Variants in FBXO9 observed in about 807,000 individuals in gnomAD.
FBXO9 encodes the protein F-box protein 9.
FBXO9 carries 43 observed loss-of-function variants against 63.7 expected under a neutral mutation model. The ratio of observed to expected loss-of-function variants is 0.67; its 90% CI spans 0.53 to 0.87. The LOEUF (loss-of-function observed/expected upper bound fraction) is 0.87, where lower values mean the gene tolerates loss of function less well. FBXO9 is among the 40% of genes least tolerant of loss of function. The pLI, the probability that FBXO9 is intolerant of heterozygous loss-of-function variation, is 0.00. For missense variants in FBXO9, 442 were observed against 533.2 expected, an observed-to-expected ratio of 0.83 and a Z score of 1.68; for synonymous variants, 156 against 171.7, an observed-to-expected ratio of 0.91 and a Z score of 0.72.
At chr6:53,068,536 C>T (rs912741399) in intron 1 of FBXO9, among the ~76,000 whole-genome samples, 8 of 151,726 alleles carry the variant, frequency 5.3e-5, no homozygotes, top group Non-Finnish European at 1.2e-4. Context: ...AAGTCTTTGA[C>T]TAAGCTTTCC....
chr6:53,093,395 C>T, intron 9 of FBXO9, 71 bp from the exon 10 acceptor site: 1 of 1,017,220 alleles, frequency 9.8e-7, no homozygotes, highest in Non-Finnish European at 1.5e-6. Context: ...GGCATAGGTA[C>T]TAATAGATAA....
At chr6:53,077,257 G>A (rs1173715471) in intron 4 of FBXO9, among the ~76,000 whole-genome samples, 2 of 151,812 alleles carry the variant, frequency 1.3e-5, no homozygotes, top group South Asian at 2.1e-4. Flanking sequence ...GGCGGATCAC[G>A]AGGTCAGGAG....
rs977377175 is a variant in FBXO9, at chr6:53,081,112, T to A, written c.538+14T>A. 1.3e-6 allele frequency: 2 copies of A among 1,598,520 alleles called. No individual in the cohort carries two copies. Among genetic ancestry groups the A allele is most frequent in the African/African-American group, 2.7e-5 (2 of 74,582 alleles). ...TTCACATATCAGGTGTGAATACTTGTTTTTCATAACTCAGTGAGAAATATC... is the reference window on the plus strand; with the variant it reads ...TTCACATATCAGGTGTGAATACTTGATTTTCATAACTCAGTGAGAAATATC... On this transcript the variant is annotated intron_variant, in intron 6 of 12. Transcript: ENST00000323557.
intron 7 of FBXO9, among the ~76,000 whole-genome samples, chr6:53,085,765 C>T (rs958995214): frequency 3.3e-5 from 5 of 151,946 alleles, no homozygotes; most frequent in Non-Finnish European, 7.4e-5. Flanking sequence ...AACAGTGCCT[C>T]CCATACAGTT....
intron 11 of FBXO9, chr6:53,094,795 T>C: frequency 2.3e-6 from 1 of 437,474 alleles, no homozygotes. Context: ...AGCAGCAGCC[T>C]GAGAGACAGA....
At chr6:53,069,367 G>A (rs1334504532) in intron 1 of FBXO9, among the ~76,000 whole-genome samples, 1 of 152,190 alleles carries the variant, frequency 6.6e-6, no homozygotes, top group Non-Finnish European at 1.5e-5. Flanking sequence ...AGTATTTTCT[G>A]TTTTGGGACT....
At position 53,073,624 on chromosome 6, in the gene FBXO9, G is replaced by A. The variant is rs761228474; in HGVS notation, c.234G>A (p.Gln78=). ...TSADTKGKQE[Q]AKEEKARELF... Reference sequence around the variant, plus strand: ...CAGATACCAAAGGAAAACAAGAACAGGCAAAAGAAGAAAAGTTAAGTATTA... The same window carrying A: ...CAGATACCAAAGGAAAACAAGAACAAGCAAAAGAAGAAAAGTTAAGTATTA... Residue 78 remains glutamine, a synonymous_variant, in exon 3 of 13, where the codon CAG becomes CAA. Transcript: ENST00000323557. 2 of 1,588,540 alleles carry A rather than the reference G, an allele frequency of 1.3e-6. No homozygotes were observed. The highest frequency in any genetic ancestry group is 1.7e-6 in the Non-Finnish European group (2 of 1,167,718).
Position 53,080,982 on chromosome 6 carries a change from A to G in FBXO9, c.422A>G (p.Asp141Gly), listed in dbSNP as rs1562068141. The G allele has an allele frequency of 6.2e-7, 1 of 1,613,802 alleles. No individual in the cohort carries two copies. Among genetic ancestry groups the G allele is most frequent in the Non-Finnish European group, 8.5e-7 (1 of 1,179,874 alleles). ...CCTTTTTTCAGCATTGAAGATAATG[A>G]TGATGACAGCAAAATGGCAGATCTC... Reference protein sequence around the residue: ...GVGNSYIEDNDDDSKMADLLS... With the variant: ...GVGNSYIEDNGDDSKMADLLS... Residue 141 changes from aspartate to glycine, a missense_variant, in exon 6 of 13, where the codon GAT (aspartate) becomes GGT (glycine). Physicochemically the swap from Asp to Gly is moderately conservative, Grantham distance 94. This residue lies in a region of FBXO9 where 180 missense variants were observed against 171.1 expected (regional missense o/e 1.05). Coordinates refer to ENST00000323557, the MANE Select transcript of FBXO9 (RefSeq NM_033480.3).
At chr6:53,089,381 A>G (rs777608102) in intron 7 of FBXO9, among the ~76,000 whole-genome samples, 9 of 152,132 alleles carry the variant, frequency 5.9e-5, no homozygotes, top group Admixed American at 1.3e-4. Flanking sequence ...GGCCAGCCCT[A>G]GTGGTTTTTA....
Position 53,093,915 on chromosome 6 carries a change from C to T in FBXO9, c.990C>T (p.Arg330=). 6.4e-7 allele frequency: 1 copy of T among 1,552,262 alleles called. No homozygotes were observed. ...RTDAILLGHY[R]LSQDTDNQTK... ...ATGCAATTCTACTGGGTCACTATCGCTTGTCACAAGACACAGACAATCAGA... is the reference window on the plus strand; with the variant it reads ...ATGCAATTCTACTGGGTCACTATCGTTTGTCACAAGACACAGACAATCAGA... The change falls in exon 11 of 13, where the codon CGC becomes CGT. Residue 330 remains arginine (R), a synonymous_variant. Transcript: ENST00000323557.
chr6:53,081,354 C>T (rs979821499), intron 6 of FBXO9, among the ~76,000 whole-genome samples: 34 of 152,226 alleles, frequency 2.2e-4, no homozygotes, highest in Non-Finnish European at 3.7e-4. Flanking sequence ...TCACTGCAAC[C>T]TCTGCCTCCT....
chr6:53,072,251 A>C (rs946182224), intron 2 of FBXO9, among the ~76,000 whole-genome samples: 2 of 152,032 alleles, frequency 1.3e-5, no homozygotes, highest in Non-Finnish European at 2.9e-5. Context: ...GGAATAACAT[A>C]TGCATCCCTG....
intron 5 of FBXO9, among the ~76,000 whole-genome samples, chr6:53,079,477 G>A (rs1174865204): frequency 1.3e-5 from 2 of 152,126 alleles, no homozygotes; most frequent in African/African-American, 4.8e-5. Context: ...AAGAAATCAT[G>A]TTTGAATTGT....
rs1420635101 is a variant in FBXO9, at chr6:53,082,541, G to A, written c.576G>A (p.Trp192Ter). The A allele has an allele frequency of 6.2e-7, 1 of 1,613,822 alleles. No individual in the cohort carries two copies. The highest frequency in any genetic ancestry group is 8.5e-7 in the Non-Finnish European group (1 of 1,179,754). ...PMEVLMYIFRWVVSSDLDLRS... is the reference protein window; with the variant it reads ...PMEVLMYIFR ...AGGTCCTGATGTACATCTTCCGATG[G>A]GTGGTGTCTAGTGACTTGGACCTCA... The change falls in exon 7 of 13, where the codon TGG becomes TGA. Residue 192 changes from tryptophan (W) to a stop codon, truncating the protein, a stop_gained. Transcript: ENST00000323557. LOFTEE classifies it high-confidence loss of function.
At chr6:53,090,892 T>G (rs573467144) in intron 7 of FBXO9, 1 of 152,022 alleles carries the variant, frequency 6.6e-6, no homozygotes, top group Non-Finnish European at 1.5e-5. Flanking sequence ...TTAAAAAAAA[T>G]TTTTTTAAGA....
Position 53,088,889 on chromosome 6 carries a change from C to T in FBXO9, c.654-3540C>T, listed in dbSNP as rs144638250. Reference sequence around the variant, plus strand: ...TGCAGGAATTACAGGCGTGAGCCACCGCACCTGGCCCTAGTGGTTTTTTTC... The same window carrying T: ...TGCAGGAATTACAGGCGTGAGCCACTGCACCTGGCCCTAGTGGTTTTTTTC... On this transcript the variant is annotated intron_variant, in intron 7 of 12. Transcript: ENST00000323557. Among the ~76,000 whole-genome samples, 891 of 151,048 alleles carry T rather than the reference C, an allele frequency of 5.9e-3. 9 individuals carry two copies. The highest frequency in any genetic ancestry group is 0.021 in the African/African-American group (848 of 41,164).
At chr6:53,069,783 A>G (rs1247151579) in intron 1 of FBXO9, among the ~76,000 whole-genome samples, 1 of 152,194 alleles carries the variant, frequency 6.6e-6, no homozygotes, top group Non-Finnish European at 1.5e-5. Context: ...TGTGAAATAT[A>G]TGTATTTTAC....
In FBXO9 at chr6:53,095,631, T is replaced by C. The variant is rs373595283; in HGVS notation, c.1172T>C (p.Ile391Thr). The C allele has an allele frequency of 3.2e-5, 52 of 1,612,208 alleles. No homozygotes were observed. The African/African-American group carries it at 4.1e-4, about 13-fold the overall frequency. ...SSGHQRFNKL[I>T]WIHHSCHITY... ...GGTCACCAGAGGTTCAACAAACTCA[T>C]CTGGATACATCATTCTTGTCACATT... is the stretch of plus-strand genomic sequence containing the variant. The change falls in exon 12 of 13, where the codon ATC (isoleucine) becomes ACC (threonine). Residue 391 changes from isoleucine to threonine, a missense_variant. Transcript: ENST00000323557.
rs748388814 is a variant in FBXO9 at position 53,092,713 on chromosome 6, T to C, written c.773-21T>C. ...ATATCTGAATATTATAATTTTTAAC[T>C]TTTTAAAATTATTTTCATAGGCGTG... On this transcript the variant is annotated intron_variant, in intron 8 of 12. Coordinates refer to ENST00000323557, the MANE Select transcript of FBXO9 (RefSeq NM_033480.3). 1.9e-6 allele frequency: 3 copies of C among 1,559,058 alleles called. No homozygotes were observed. The South Asian group carries it at 3.5e-5, about 18-fold the overall frequency.
Sources: allele counts gnomAD v4.1 joint callset (sites outside exome capture counted in the v4.1 genomes callset), GRCh38; gene constraint gnomAD v4.1.1; regional missense constraint gnomAD v4.1.1; transcripts MANE v1.5; gene names NCBI Gene and HGNC (gene_info 2026-07-23, HGNC 2026-07-21).